The following RNF216 variants were observed in gnomAD, a reference collection of about 807,000 sequenced individuals.
The protein encoded by RNF216 is ring finger protein 216.
RNF216 carries 72 observed loss-of-function variants against 110.8 expected under a neutral mutation model. The ratio of observed to expected loss-of-function variants is 0.65; its 90% CI spans 0.54 to 0.79. The LOEUF (loss-of-function observed/expected upper bound fraction) is 0.79. Among genes scored for constraint, RNF216 ranks in the 30% least tolerant of loss-of-function variants. The pLI, the probability that RNF216 is intolerant of heterozygous loss-of-function variation, is 0.00. For missense variants in RNF216, 1,342 were observed against 1,141.2 expected (o/e 1.18, Z -2.54); for synonymous variants, 495 against 407.5 (o/e 1.21, Z -2.59).
intron 15 of RNF216, among the ~76,000 whole-genome samples, chr7:5,636,952 C>T (rs865797842): frequency 3.3e-5 from 5 of 152,148 alleles, no homozygotes; most frequent in African/African-American, 1.2e-4. Flanking sequence ...GCAGAAGACA[C>T]AGAACGAGGA....
In RNF216 at chr7:5,623,046, T is replaced by G. The variant is rs774848514; in HGVS notation, c.2586A>C (p.Pro862=). 1 of 1,613,434 alleles carries G rather than the reference T, an allele frequency of 6.2e-7. No individual in the cohort carries two copies. The highest frequency in any genetic ancestry group is 1.7e-5 in the Admixed American group (1 of 59,950). ...PQMPPYAFAH[P]PFPLPPVRPV... is the part of the protein sequence containing the mutation. Reference sequence around the variant, plus strand: ...GCCGCACGGGAGGCAGGGGGAAGGGTGGGTGCGCGAAGGCATAGGGTGGCA... The same window carrying G: ...GCCGCACGGGAGGCAGGGGGAAGGGGGGGTGCGCGAAGGCATAGGGTGGCA... The change falls in exon 17 of 17, where the codon CCA becomes CCC. Residue 862 remains proline (P), a synonymous_variant. Coordinates refer to ENST00000389902, the MANE Select transcript of RNF216 (RefSeq NM_207111.4).
At chr7:5,738,857 T>G (rs139851569) in intron 5 of RNF216, among the ~76,000 whole-genome samples, 1 of 152,294 alleles carries the variant, frequency 6.6e-6, no homozygotes, top group Non-Finnish European at 1.5e-5. Flanking sequence ...AACTCAGTTA[T>G]CATAATTCTA....
At chr7:5,743,913 G>C (rs1794901027) in intron 3 of RNF216, among the ~76,000 whole-genome samples, 1 of 152,124 alleles carries the variant, frequency 6.6e-6, no homozygotes, top group African/African-American at 2.4e-5. Context: ...TCTTCTTCAA[G>C]AAACCAATTA....
intron 13 of RNF216, among the ~76,000 whole-genome samples, chr7:5,697,361 C>A (rs1026717864): frequency 4.6e-5 from 7 of 152,218 alleles, no homozygotes; most frequent in Admixed American, 2.0e-4. Flanking sequence ...ATGCTCAATA[C>A]ATATCTGCTG....
intron 13 of RNF216, among the ~76,000 whole-genome samples, chr7:5,690,824 G>T (rs1466233029): frequency 2.0e-5 from 3 of 152,132 alleles, no homozygotes; most frequent in African/African-American, 7.2e-5. Flanking sequence ...TGTTCTGCCA[G>T]GACAGCTCTG....
intron 13 of RNF216, among the ~76,000 whole-genome samples, chr7:5,657,025 T>C (rs1200144199): frequency 6.6e-6 from 1 of 152,234 alleles, no homozygotes; most frequent in Admixed American, 6.5e-5. Flanking sequence ...TTGCCTTCCT[T>C]GCAAAGCCAC....
intron 1 of RNF216, among the ~76,000 whole-genome samples, chr7:5,777,902 A>G (rs1197280498): frequency 2.0e-5 from 3 of 152,220 alleles, no homozygotes; most frequent in African/African-American, 7.2e-5. Context: ...CAACTGTCCA[A>G]TGAAAATTAG....
chr7:5,685,245 A>G (rs545361823), intron 13 of RNF216, among the ~76,000 whole-genome samples: 33 of 152,290 alleles, frequency 2.2e-4, no homozygotes, highest in African/African-American at 7.7e-4. Context: ...GGAGACAGTG[A>G]GCACGAACAA....
At chr7:5,742,187 C>G (rs1794795625) in intron 3 of RNF216, among the ~76,000 whole-genome samples, 1 of 151,902 alleles carries the variant, frequency 6.6e-6, no homozygotes, top group Non-Finnish European at 1.5e-5. Context: ...GCTGGGATTA[C>G]AAAAATGTGC....
Position 5,696,852 on chromosome 7 carries a change from T to C in RNF216, c.2061+14909A>G, listed in dbSNP as rs1175121395. ...AAATGACTTGCCATAGTGACTACATTGGCAAGGTGTTCCAATTCCCTTGAT... is the reference window on the plus strand; with the variant it reads ...AAATGACTTGCCATAGTGACTACATCGGCAAGGTGTTCCAATTCCCTTGAT... On this transcript the variant is annotated intron_variant, in intron 13 of 16. Transcript: ENST00000389902. The surrounding 1 kb of genome is among the most constrained non-coding windows in gnomAD (Gnocchi z 5.4). 6.6e-6 allele frequency among the ~76,000 whole-genome samples: 1 copy of C among 152,168 alleles called. No homozygotes were observed. Among genetic ancestry groups the C allele is most frequent in the East Asian group, 1.9e-4 (1 of 5,190 alleles).
At position 5,667,321 on chromosome 7, in the gene RNF216, CAAA is replaced by C. The variant is rs370874433; in HGVS notation, c.2062-14814_2062-14812del. Among the ~76,000 whole-genome samples the C allele has an allele frequency of 7.4e-3, 1,125 of 152,112 alleles. 8 individuals carry two copies. Among genetic ancestry groups the C allele is most frequent in the African/African-American group, 0.024 (1,009 of 41,500 alleles). On this transcript the variant is annotated intron_variant, in intron 13 of 16. Transcript: ENST00000389902. ...TATATTTCTTACTATAGGTCACAAACAAAAAAGTTTAAAAGCCATTAATTTAGA... is the reference window on the plus strand; with the variant it reads ...TATATTTCTTACTATAGGTCACAAACAAAGTTTAAAAGCCATTAATTTAGA...
At chr7:5,670,220 T>G (rs1299374674) in intron 13 of RNF216, among the ~76,000 whole-genome samples, 3 of 152,088 alleles carry the variant, frequency 2.0e-5, no homozygotes, top group Non-Finnish European at 4.4e-5. Context: ...AGGCGTGAGC[T>G]ACCGTGCCTG....
intron 13 of RNF216, among the ~76,000 whole-genome samples, chr7:5,656,564 G>A (rs542177113): frequency 7.2e-5 from 11 of 152,024 alleles, no homozygotes; most frequent in African/African-American, 2.7e-4. Flanking sequence ...GCCCTCTCAG[G>A]GGGGAAGGAG....
rs1299042343 is a variant in RNF216, at chr7:5,712,726, G to A, written c.1971C>T (p.Asp657=). The change falls in exon 12 of 17, where the codon GAC becomes GAT. Residue 657 remains aspartate, a synonymous_variant. Coordinates refer to ENST00000389902, the MANE Select transcript of RNF216 (RefSeq NM_207111.4). ...AEEEVAAAYA[D]ELVRCPSCSF... ...GCCTGAGAACGAACCTGACAAGCTCGTCGGCGTAGGCTGCCGCAACCTCCT... is the reference window on the plus strand; with the variant it reads ...GCCTGAGAACGAACCTGACAAGCTCATCGGCGTAGGCTGCCGCAACCTCCT... The A allele has an allele frequency of 5.6e-6, 9 of 1,613,938 alleles. No individual in the cohort carries two copies. Among genetic ancestry groups the A allele is most frequent in the East Asian group, 2.2e-5 (1 of 44,882 alleles).
chr7:5,681,657 A>C (rs572231794), intron 13 of RNF216, among the ~76,000 whole-genome samples: 1 of 152,148 alleles, frequency 6.6e-6, no homozygotes, highest in Non-Finnish European at 1.5e-5. Flanking sequence ...CCATTCCTCA[A>C]CTGGGGATAG....
At chr7:5,675,612 G>C (rs1790232831) in intron 13 of RNF216, among the ~76,000 whole-genome samples, 1 of 152,128 alleles carries the variant, frequency 6.6e-6, no homozygotes, top group African/African-American at 2.4e-5. Flanking sequence ...CTGCGCTCCA[G>C]CCTGGGTGAC....
chr7:5,671,830 G>T (rs1397765964), intron 13 of RNF216, among the ~76,000 whole-genome samples: 2 of 113,302 alleles, frequency 1.8e-5, no homozygotes, highest in African/African-American at 4.5e-5. Flanking sequence ...AAAAAAAAAA[G>T]GACAGAGAGA....
At chr7:5,726,524 C>T (rs989110980) in intron 7 of RNF216, among the ~76,000 whole-genome samples, 1 of 152,164 alleles carries the variant, frequency 6.6e-6, no homozygotes. Context: ...TTCCTACCTT[C>T]AGCTTCTCTC....
At chr7:5,781,003 G>A (rs962989328) in intron 1 of RNF216, among the ~76,000 whole-genome samples, 1 of 152,236 alleles carries the variant, frequency 6.6e-6, no homozygotes, top group Non-Finnish European at 1.5e-5. Context: ...GCGCCCCGCA[G>A]AAGGGTTTGA....
Sources: allele counts gnomAD v4.1 joint callset (sites outside exome capture counted in the v4.1 genomes callset), GRCh38; gene constraint gnomAD v4.1.1; non-coding constraint Gnocchi (gnomAD v3.1); transcripts MANE v1.5; gene names NCBI Gene and HGNC (gene_info 2026-07-23, HGNC 2026-07-21).